Variants in PRKACB observed in about 807,000 individuals in gnomAD.
The protein encoded by PRKACB is protein kinase cAMP-activated catalytic subunit beta, also known as cAMP-dependent protein kinase catalytic subunit beta.
In PRKACB, 16 loss-of-function variants were observed where a neutral mutation model predicts 51.4. The observed-to-expected ratio is 0.31, with a 90% CI of 0.21 to 0.47. The LOEUF is 0.47. PRKACB is among the 20% of genes least tolerant of loss of function. The pLI is 1.00. For synonymous variants in PRKACB, 147 were observed against 154.4 expected (o/e 0.95, Z 0.35); for missense variants, 309 against 464.5 (o/e 0.67, Z 3.08).
At chr1:84,156,244 A>G (rs1480970349) in intron 1 of PRKACB, among the ~76,000 whole-genome samples, 1 of 152,020 alleles carries the variant, frequency 6.6e-6, no homozygotes, top group Non-Finnish European at 1.5e-5. Context: ...AATCTCCTGT[A>G]TTGGCCTCCT....
chr1:84,166,585 C>T (rs1362872476), intron 1 of PRKACB, among the ~76,000 whole-genome samples: 2 of 151,686 alleles, frequency 1.3e-5, no homozygotes, highest in Admixed American at 1.3e-4. Flanking sequence ...CTGACTTTGT[C>T]GAGAATGCCC....
chr1:84,079,205 A>G (rs148079003), intron 1 of PRKACB, among the ~76,000 whole-genome samples: 35 of 152,302 alleles, frequency 2.3e-4, no homozygotes, highest in Non-Finnish European at 4.6e-4. Context: ...ATGTGTGTAT[A>G]TATGTGTCAG....
At chr1:84,219,619 AT>A (rs1406115551) in intron 9 of PRKACB, among the ~76,000 whole-genome samples, 3 of 150,816 alleles carry the variant, frequency 2.0e-5, no homozygotes, top group Non-Finnish European at 2.9e-5. Context: ...ATTTTGAGTG[AT>A]TTGGGGATAT....
At chr1:84,086,351 T>TGAGCTGGCG (rs1387985876) in intron 1 of PRKACB, 2 of 665,698 alleles carry the variant, frequency 3.0e-6, no homozygotes, top group Non-Finnish European at 5.2e-6. Context: ...TGAGTGCTTC[T>TGAGCTGGCG]GAGCTGGCGG....
At chr1:84,183,140 C>CTATCCTCACATTGACCAA (rs1553175107) in intron 3 of PRKACB, among the ~76,000 whole-genome samples, 1 of 152,012 alleles carries the variant, frequency 6.6e-6, no homozygotes, top group Non-Finnish European at 1.5e-5. Flanking sequence ...ACTTCTGTGA[C>CTATCCTCACATTGACCAA]TATCCTCACA....
chr1:84,179,347 A>G, intron 2 of PRKACB, 109 bp downstream of exon 2: 1 of 1,257,488 alleles, frequency 8.0e-7, no homozygotes, highest in Non-Finnish European at 1.0e-6. Flanking sequence ...ATGTGGTGTT[A>G]GTAAACAGAA....
intron 1 of PRKACB, chr1:84,173,445 T>A: frequency 9.1e-7 from 1 of 1,096,136 alleles, no homozygotes; most frequent in Non-Finnish European, 1.3e-6. Flanking sequence ...TTAGAATATT[T>A]TGTGTTGAGT....
intron 5 of PRKACB, among the ~76,000 whole-genome samples, chr1:84,193,005 G>A (rs1427570707): frequency 2.0e-5 from 3 of 152,068 alleles, no homozygotes; most frequent in African/African-American, 7.2e-5. Flanking sequence ...AGAACAATAA[G>A]CCTTCTCCAA....
At chr1:84,084,786 G>A (rs2100748690) in intron 1 of PRKACB, among the ~76,000 whole-genome samples, 1 of 152,258 alleles carries the variant, frequency 6.6e-6, no homozygotes, top group East Asian at 1.9e-4. Context: ...AATACAGAGG[G>A]CAGGAGTACA....
At chr1:84,112,951 A>C (rs1325875271) in intron 1 of PRKACB, among the ~76,000 whole-genome samples, 4 of 152,198 alleles carry the variant, frequency 2.6e-5, no homozygotes, top group Non-Finnish European at 5.9e-5. Flanking sequence ...ATATTTTCCA[A>C]GAATAAAACT....
intron 9 of PRKACB, among the ~76,000 whole-genome samples, chr1:84,230,805 T>G (rs1182865369): frequency 6.7e-6 from 1 of 148,478 alleles, no homozygotes. Flanking sequence ...TTTGCTGAAG[T>G]TGCTTATCAG....
chr1:84,228,069 C>G (rs1454006244), intron 9 of PRKACB, among the ~76,000 whole-genome samples: 1 of 152,068 alleles, frequency 6.6e-6, no homozygotes, highest in Non-Finnish European at 1.5e-5. Flanking sequence ...CTGGGTAGTG[C>G]AAAACAGCAG....
At chr1:84,233,426 C>G (rs1174402683) in intron 9 of PRKACB, among the ~76,000 whole-genome samples, 3 of 135,750 alleles carry the variant, frequency 2.2e-5, no homozygotes, top group Non-Finnish European at 4.7e-5. Flanking sequence ...ATCTTTGTGG[C>G]GTTCTCTGTA....
intron 1 of PRKACB, among the ~76,000 whole-genome samples, chr1:84,156,762 T>G (rs988633427): frequency 3.3e-5 from 5 of 152,200 alleles, no homozygotes; most frequent in Non-Finnish European, 7.4e-5. Context: ...GAGATTCATA[T>G]AAATATCTGG....
At chr1:84,098,282 A>G (rs952315129) in intron 1 of PRKACB, among the ~76,000 whole-genome samples, 3 of 152,050 alleles carry the variant, frequency 2.0e-5, no homozygotes, top group African/African-American at 4.8e-5. Flanking sequence ...CTCCAAGTCT[A>G]TGGGTTGCAT....
chr1:84,078,487 C>T (rs1238518932), intron 1 of PRKACB: 8 of 1,235,544 alleles, frequency 6.5e-6, no homozygotes, highest in Non-Finnish European at 6.7e-6. Context: ...CAGCGGCCGC[C>T]GGGAGTCGTT....
At chr1:84,110,369 C>CAT (rs58010849) in intron 1 of PRKACB, among the ~76,000 whole-genome samples, 3,104 of 150,626 alleles carry the variant, frequency 0.021, 117 homozygotes, top group African/African-American at 0.071. Context: ...TGTATGTTTA[C>CAT]ATATATATAT....
chr1:84,120,835 A>G (rs529457008), intron 1 of PRKACB, among the ~76,000 whole-genome samples: 1 of 152,150 alleles, frequency 6.6e-6, no homozygotes, highest in South Asian at 2.1e-4. Context: ...GGGTGGTGAT[A>G]TCTACCACTC....
intron 2 of PRKACB, among the ~76,000 whole-genome samples, chr1:84,180,824 CAT>C (rs1457497859): frequency 6.6e-6 from 1 of 151,748 alleles, no homozygotes; most frequent in South Asian, 2.1e-4. Flanking sequence ...AGGAAGATAA[CAT>C]ATTTTTATAA....
Sources: allele counts gnomAD v4.1 joint callset (sites outside exome capture counted in the v4.1 genomes callset), GRCh38; gene constraint gnomAD v4.1.1; transcripts MANE v1.5; gene names NCBI Gene and HGNC (gene_info 2026-07-23, HGNC 2026-07-21).